DZIP1: variants seen among roughly 807,000 people sequenced by gnomAD.
DZIP1 encodes cilium assembly protein DZIP1.
In DZIP1, 97 loss-of-function variants were observed where a neutral mutation model predicts 107.6. That is an observed-to-expected ratio of 0.90 (90% CI 0.77 to 1.07). The LOEUF is 1.07. Ranked by LOEUF, DZIP1 falls within the 50% of genes least tolerant of loss-of-function variation. The pLI is 0.00. For synonymous variants in DZIP1, 390 were observed against 386.4 expected (o/e 1.01, Z -0.11); for missense variants, 1,035 against 1,063.6 (o/e 0.97, Z 0.37).
intron 12 of DZIP1, among the ~76,000 whole-genome samples, chr13:95,611,102 C>A (rs1351743875): frequency 6.6e-6 from 1 of 152,162 alleles, no homozygotes; most frequent in East Asian, 1.9e-4. Flanking sequence ...GAGTTGAACC[C>A]AGTCTGTCGA....
intron 14 of DZIP1, among the ~76,000 whole-genome samples, chr13:95,604,664 G>T (rs911981535): frequency 1.3e-5 from 2 of 152,106 alleles, no homozygotes; most frequent in African/African-American, 4.8e-5. Context: ...GTGTCCTTTA[G>T]TTAGCAACAA....
intron 14 of DZIP1, among the ~76,000 whole-genome samples, chr13:95,600,625 T>TAGACAGACAGAC (rs1453410238): frequency 0.039 from 4,897 of 124,806 alleles, 141 homozygotes; most frequent in East Asian, 0.098. Context: ...GATAGATAGA[T>TAGACAGACAGAC]AGATAGACAG....
Position 95,582,266 on chromosome 13 carries a change from C to G in DZIP1, c.2572G>C (p.Val858Leu), listed in dbSNP as rs1392747690. Reference sequence around the variant, plus strand: ...TCTGAAGTGTCGCTCCAATCAGTCACAGTTACTAAGCTGCTTTTTAATGTG... The same window carrying G: ...TCTGAAGTGTCGCTCCAATCAGTCAGAGTTACTAAGCTGCTTTTTAATGTG... Reference protein sequence around the residue: ...SSTLKSSLVTVTDWSDTSDV With the variant: ...SSTLKSSLVTLTDWSDTSDV The change falls in exon 23 of 23, where the codon GTG becomes CTG. Residue 858 changes from valine (V) to leucine (L), a missense_variant. Transcript: ENST00000376829. 2 of 1,614,154 alleles carry G rather than the reference C, an allele frequency of 1.2e-6. No individual in the cohort carries two copies. The highest frequency in any genetic ancestry group is 1.7e-6 in the Non-Finnish European group (2 of 1,179,990).
chr13:95,632,428 CAACTT>C (rs1202668120), intron 6 of DZIP1, among the ~76,000 whole-genome samples: 1 of 152,146 alleles, frequency 6.6e-6, no homozygotes, highest in Non-Finnish European at 1.5e-5. Flanking sequence ...TCTGGGTCCA[CAACTT>C]ATCTGTTACA....
intron 14 of DZIP1, among the ~76,000 whole-genome samples, chr13:95,600,788 A>G (rs377271959): frequency 6.6e-6 from 1 of 152,182 alleles, no homozygotes; most frequent in Admixed American, 6.5e-5. Context: ...ACTGAGTAAA[A>G]TCACCTAACT....
intron 8 of DZIP1, among the ~76,000 whole-genome samples, chr13:95,624,163 T>G (rs1001798743): frequency 6.6e-6 from 1 of 152,186 alleles, no homozygotes; most frequent in Non-Finnish European, 1.5e-5. Flanking sequence ...CTCCCTTCCT[T>G]TCTCCGTTTT....
At chr13:95,636,029 G>A (rs752958880) in intron 5 of DZIP1, among the ~76,000 whole-genome samples, 1 of 152,024 alleles carries the variant, frequency 6.6e-6, no homozygotes, top group South Asian at 2.1e-4. Flanking sequence ...GAAAAACATG[G>A]CATGCAAAAA....
chr13:95,604,094 C>T lies in DZIP1; in HGVS notation c.1477+1909G>A, dbSNP rs182713754. Among the ~76,000 whole-genome samples the T allele has an allele frequency of 1.8e-4, 28 of 152,306 alleles. No homozygotes were observed. The East Asian group carries it at 2.5e-3, about 14-fold the overall frequency. On this transcript the variant is annotated intron_variant, in intron 14 of 22. Transcript: ENST00000376829. ...CTGGCTGAGGCCTCCACTGTGGCTG[C>T]GTCTAGGTTCAACGTTCCCTTCGCC...
chr13:95,622,263 C>G lies in DZIP1; in HGVS notation c.1110+80G>C, dbSNP rs936474891. 28 of 1,572,068 alleles carry G rather than the reference C, an allele frequency of 1.8e-5. No individual in the cohort carries two copies. The Admixed American group carries it at 4.9e-4, about 27-fold the overall frequency. On this transcript the variant is annotated intron_variant, in intron 9 of 22. Coordinates refer to ENST00000376829, the MANE Select transcript of DZIP1 (RefSeq NM_198968.4). ...TTACTAAAAAAGACAAACACTTTTT[C>G]TGCAGATGACACTCACTGTAAATTA...
chr13:95,639,549 C>T (rs1423840410), intron 5 of DZIP1, among the ~76,000 whole-genome samples: 4 of 150,532 alleles, frequency 2.7e-5, no homozygotes, highest in African/African-American at 7.4e-5. Flanking sequence ...CAAGACCGCA[C>T]CCCTGCACGC....
chr13:95,612,811 C>A (rs1290036737), intron 10 of DZIP1, among the ~76,000 whole-genome samples: 2 of 152,086 alleles, frequency 1.3e-5, no homozygotes, highest in Non-Finnish European at 2.9e-5. Context: ...TCTCGAAGTC[C>A]TGAACTCAGT....
chr13:95,641,691 C>T lies in DZIP1; in HGVS notation c.201G>A (p.Val67=). The change falls in exon 5 of 23, where the codon GTG becomes GTA. Residue 67 remains valine, a synonymous_variant. Transcript: ENST00000376829. This position sits in a 1 kb window ranked among gnomAD's most constrained non-coding sequence, Gnocchi z 4.3. ...CGATGGCGCTCAGCCGCCGCCAGTC[C>T]ACACTCTCCAGCCGCGGCCTGAACT... The part of the protein sequence containing the change: ...FFQFRPRLES[V]DWRRLSAIDV... 6.2e-7 allele frequency: 1 copy of T among 1,604,204 alleles called. No homozygotes were observed. Among genetic ancestry groups the T allele is most frequent in the Non-Finnish European group, 8.5e-7 (1 of 1,179,812 alleles).
intron 19 of DZIP1, 74 bp downstream of exon 19, chr13:95,589,080 G>T: frequency 8.3e-7 from 1 of 1,210,922 alleles, no homozygotes; most frequent in East Asian, 2.4e-5. Context: ...TAATGAGCAC[G>T]CTACTTTAAA....
intron 15 of DZIP1, among the ~76,000 whole-genome samples, chr13:95,598,293 T>C (rs1055871668): frequency 6.6e-6 from 1 of 152,148 alleles, no homozygotes; most frequent in African/African-American, 2.4e-5. Flanking sequence ...CTAAACTAAA[T>C]GGTCTGTCTA....
chr13:95,634,117 A>T (rs1877523511), intron 5 of DZIP1, among the ~76,000 whole-genome samples: 2 of 152,044 alleles, frequency 1.3e-5, no homozygotes, highest in Admixed American at 1.3e-4. Context: ...CTCCAGCCAC[A>T]CCAGCCTTCT....
At chr13:95,606,162 A>G in intron 13 of DZIP1, 103 bp from the exon 14 acceptor site, 1 of 950,862 alleles carries the variant, frequency 1.1e-6, no homozygotes, top group Non-Finnish European at 1.7e-6. Flanking sequence ...CAAGATACAT[A>G]CAGACCATAA....
intron 5 of DZIP1, among the ~76,000 whole-genome samples, chr13:95,634,642 CT>C (rs1215698834): frequency 2.6e-5 from 4 of 152,196 alleles, no homozygotes; most frequent in Non-Finnish European, 5.9e-5. Context: ...ATACTCACCC[CT>C]GGATTACTCT....
At chr13:95,623,145 T>C (rs187881743) in intron 8 of DZIP1, among the ~76,000 whole-genome samples, 1 of 152,306 alleles carries the variant, frequency 6.6e-6, no homozygotes, top group East Asian at 1.9e-4. Flanking sequence ...GCCAACACTG[T>C]CCAGGGACCA....
At chr13:95,617,774 G>A (rs1190042926) in intron 10 of DZIP1, among the ~76,000 whole-genome samples, 10 of 152,130 alleles carry the variant, frequency 6.6e-5, no homozygotes, top group Admixed American at 6.5e-5. Flanking sequence ...AGCAGACTAA[G>A]GAAGGGGAAG....
Sources: allele counts gnomAD v4.1 joint callset (sites outside exome capture counted in the v4.1 genomes callset), GRCh38; gene constraint gnomAD v4.1.1; non-coding constraint Gnocchi (gnomAD v3.1); transcripts MANE v1.5; gene names NCBI Gene and HGNC (gene_info 2026-07-23, HGNC 2026-07-21).